PARD3: variants seen among roughly 807,000 people sequenced by gnomAD.
PARD3 encodes the protein partitioning defective 3 homolog.
PARD3 carries 75 observed loss-of-function variants against 155.4 expected under a neutral mutation model. That is an observed-to-expected ratio of 0.48 (90% CI 0.40 to 0.58). The LOEUF (loss-of-function observed/expected upper bound fraction) is 0.58, where lower values mean the gene tolerates loss of function less well. Among genes scored for constraint, PARD3 ranks in the 20% least tolerant of loss-of-function variants. PARD3 has a pLI of 0.00. For missense variants in PARD3, 1,642 were observed against 1,721.7 expected (o/e 0.95, Z 0.82); for synonymous variants, 576 against 610.5 (o/e 0.94, Z 0.83).
chr10:34,688,935 A>G (rs2093998883), intron 2 of PARD3, among the ~76,000 whole-genome samples: 1 of 152,212 alleles, frequency 6.6e-6, no homozygotes, highest in African/African-American at 2.4e-5. Flanking sequence ...TCCCTGCTAC[A>G]GAGGCAGAGC....
intron 21 of PARD3, among the ~76,000 whole-genome samples, chr10:34,270,285 C>T (rs539848941): frequency 3.3e-5 from 5 of 151,936 alleles, no homozygotes; most frequent in East Asian, 3.9e-4. Context: ...AGGGATTACA[C>T]GTGTGCACCA....
chr10:34,493,719 C>T (rs113718923), intron 3 of PARD3, among the ~76,000 whole-genome samples: 1,767 of 148,454 alleles, frequency 0.012, 30 homozygotes, highest in African/African-American at 0.039. Flanking sequence ...GCGACAAAAG[C>T]GAAACTCTGT....
At chr10:34,255,985 C>T (rs892268523) in intron 22 of PARD3, among the ~76,000 whole-genome samples, 1 of 151,992 alleles carries the variant, frequency 6.6e-6, no homozygotes, top group Non-Finnish European at 1.5e-5. Flanking sequence ...ACACATGAAT[C>T]ACATCAAAAC....
rs2133386980 is a variant in PARD3, at chr10:34,686,651, G to T, written c.222+9667C>A. ...AGCTACTCAGGAGGCTGAGGCAGGA[G>T]AATTATCTGAACCTGGGGGAAGGAG... On this transcript the variant is annotated intron_variant, in intron 2 of 24. Transcript: ENST00000374788. 2.0e-5 allele frequency among the ~76,000 whole-genome samples: 3 copies of T among 152,044 alleles called. No homozygotes were observed. In the South Asian group the frequency reaches 6.3e-4, roughly 32 times the overall value.
At chr10:34,497,228 T>C (rs1244166843) in intron 3 of PARD3, among the ~76,000 whole-genome samples, 2 of 152,020 alleles carry the variant, frequency 1.3e-5, no homozygotes, top group African/African-American at 4.8e-5. Flanking sequence ...AGATTGAAAA[T>C]ACTTGAAAAA....
chr10:34,128,862 A>C (rs952337681), intron 23 of PARD3, among the ~76,000 whole-genome samples: 94 of 152,288 alleles, frequency 6.2e-4, no homozygotes, highest in African/African-American at 2.2e-3. Context: ...TTTCAGAATG[A>C]GTTGGAAGGC....
chr10:34,456,165 T>C (rs1272489418), intron 4 of PARD3, among the ~76,000 whole-genome samples: 2 of 152,250 alleles, frequency 1.3e-5, no homozygotes, highest in South Asian at 2.1e-4. Flanking sequence ...TGATAATTAA[T>C]AGTTTGCTAA....
intron 3 of PARD3, among the ~76,000 whole-genome samples, chr10:34,503,645 T>C (rs543214749): frequency 1.3e-5 from 2 of 152,334 alleles, no homozygotes; most frequent in East Asian, 1.9e-4. Flanking sequence ...CACCGCAGGA[T>C]AGACAACAGG....
At chr10:34,612,683 G>C (rs2090997487) in intron 2 of PARD3, among the ~76,000 whole-genome samples, 1 of 152,144 alleles carries the variant, frequency 6.6e-6, no homozygotes, top group Admixed American at 6.5e-5. Flanking sequence ...GGTTTTATGA[G>C]CTAATGGCTG....
At chr10:34,725,109 G>T (rs1422506457) in intron 1 of PARD3, among the ~76,000 whole-genome samples, 2 of 45,368 alleles carry the variant, frequency 4.4e-5, no homozygotes, top group Non-Finnish European at 9.9e-5. Flanking sequence ...AAAACTTTGT[G>T]TGTGTGTGTG....
chr10:34,629,527 G>A (rs1053923639), intron 2 of PARD3, among the ~76,000 whole-genome samples: 1 of 152,212 alleles, frequency 6.6e-6, no homozygotes, highest in African/African-American at 2.4e-5. Context: ...TCAGAGTGTG[G>A]CTAAATGAAA....
intron 20 of PARD3, among the ~76,000 whole-genome samples, chr10:34,310,424 T>C (rs964908934): frequency 6.6e-6 from 1 of 152,230 alleles, no homozygotes; most frequent in Non-Finnish European, 1.5e-5. Flanking sequence ...ATCTCAGAAC[T>C]GTCAAGAATT....
At chr10:34,369,372 G>A (rs902064123) in intron 12 of PARD3, among the ~76,000 whole-genome samples, 1 of 151,228 alleles carries the variant, frequency 6.6e-6, no homozygotes, top group South Asian at 2.1e-4. Flanking sequence ...TATCGTTAGT[G>A]TTAGTGTATT....
At chr10:34,770,256 T>C (rs1043608403) in intron 1 of PARD3, among the ~76,000 whole-genome samples, 4 of 152,228 alleles carry the variant, frequency 2.6e-5, no homozygotes, top group East Asian at 1.9e-4. Context: ...AAGTCTTTCC[T>C]GGTTATGGCC....
chr10:34,793,271 C>T (rs1417164738), intron 1 of PARD3, among the ~76,000 whole-genome samples: 3 of 152,066 alleles, frequency 2.0e-5, no homozygotes, highest in Non-Finnish European at 2.9e-5. Context: ...GGACAACTCA[C>T]GAACACAAGG....
intron 22 of PARD3, among the ~76,000 whole-genome samples, chr10:34,177,700 A>T (rs1287950549): frequency 4.6e-5 from 7 of 152,166 alleles, no homozygotes; most frequent in African/African-American, 1.7e-4. Context: ...ATGATCAAGG[A>T]GTTCTCTTGA....
intron 22 of PARD3, among the ~76,000 whole-genome samples, chr10:34,142,647 G>T (rs562440713): frequency 5.3e-5 from 8 of 152,116 alleles, no homozygotes; most frequent in African/African-American, 1.9e-4. Flanking sequence ...ACGAAGGAAG[G>T]AAGGAAGGAA....
At chr10:34,448,297 T>C (rs1015164678) in intron 5 of PARD3, among the ~76,000 whole-genome samples, 6 of 150,576 alleles carry the variant, frequency 4.0e-5, no homozygotes, top group African/African-American at 1.5e-4. Flanking sequence ...AGACAAAATC[T>C]GTACGATTTT....
At chr10:34,609,011 T>C (rs1374046700) in intron 2 of PARD3, among the ~76,000 whole-genome samples, 1 of 152,176 alleles carries the variant, frequency 6.6e-6, no homozygotes, top group African/African-American at 2.4e-5. Context: ...TTCTCTCAAC[T>C]GACTAGATAA....
Sources: allele counts gnomAD v4.1 joint callset (sites outside exome capture counted in the v4.1 genomes callset), GRCh38; gene constraint gnomAD v4.1.1; transcripts MANE v1.5; gene names NCBI Gene and HGNC (gene_info 2026-07-23, HGNC 2026-07-21).